The following DIS3L2 variants were observed in gnomAD, a reference collection of about 807,000 sequenced individuals.
The protein encoded by DIS3L2 is DIS3 like 3'-5' exoribonuclease 2.
In DIS3L2, 34 loss-of-function variants were observed where a neutral mutation model predicts 97.5. The ratio of observed to expected loss-of-function variants is 0.35; its 90% confidence interval spans 0.27 to 0.46. DIS3L2 has a LOEUF of 0.46. Among genes scored for constraint, DIS3L2 ranks in the 20% least tolerant of loss-of-function variants. DIS3L2 has a pLI of 1.00. For missense variants in DIS3L2, 1,038 were observed against 1,146.0 expected, an observed-to-expected ratio of 0.91 and a Z score of 1.36; for synonymous variants, 435 against 445.2, an observed-to-expected ratio of 0.98 and a Z score of 0.29.
chr2:232,121,546 AACTG>A (rs1295175825), intron 6 of DIS3L2, among the ~76,000 whole-genome samples: 2 of 152,168 alleles, frequency 1.3e-5, no homozygotes, highest in Non-Finnish European at 2.9e-5. Context: ...TTAAACTAAA[AACTG>A]ACTGAATTTA....
At position 232,336,901 on chromosome 2, in the gene DIS3L2, ACTGCCCTCCT is replaced by A. The variant is rs1191336332; in HGVS notation, c.*278_*287del. ...CTGGCCCCCCTTTTTTCTGGGCCCT[ACTGCCCTCCT>A]CTGCCCAGGAAATGGGGGGGTTTCA... is the stretch of plus-strand genomic sequence containing the variant. On this transcript the variant is annotated 3_prime_UTR_variant, in exon 21 of 21. Transcript: ENST00000325385. 5.5e-6 allele frequency: 7 copies of A among 1,283,750 alleles called. No individual in the cohort carries two copies. Among genetic ancestry groups the A allele is most frequent in the Non-Finnish European group, 6.9e-6 (7 of 1,011,626 alleles). 79.5% of individuals were successfully genotyped at this position (1,283,750 alleles called of 1,614,324 possible).
chr2:232,062,847 G>T (rs1390382538), intron 5 of DIS3L2, among the ~76,000 whole-genome samples: 1 of 151,562 alleles, frequency 6.6e-6, no homozygotes, highest in Non-Finnish European at 1.5e-5. Context: ...CTATCTATCT[G>T]TGTCTCTCTC....
chr2:232,222,356 A>G (rs946175487), intron 10 of DIS3L2, among the ~76,000 whole-genome samples: 2 of 152,198 alleles, frequency 1.3e-5, no homozygotes, highest in African/African-American at 2.4e-5. Flanking sequence ...GTCAAACCTT[A>G]TTTTTGTAGT....
chr2:232,183,490 G>A lies in DIS3L2; in HGVS notation c.1124+19858G>A, dbSNP rs184437786. On this transcript the variant is annotated intron_variant, in intron 9 of 20. Coordinates refer to ENST00000325385, the MANE Select transcript of DIS3L2 (RefSeq NM_152383.5). Reference sequence around the variant, plus strand: ...ATAGCCTTCACTTCCTGCTGTTGCAGAGCTTCAGGGTCAGCCAGAAGTAAG... The same window carrying A: ...ATAGCCTTCACTTCCTGCTGTTGCAAAGCTTCAGGGTCAGCCAGAAGTAAG... Among the ~76,000 whole-genome samples, 531 of 152,336 alleles carry A rather than the reference G, an allele frequency of 3.5e-3. 5 individuals carry two copies. Among genetic ancestry groups the A allele is most frequent in the African/African-American group, 0.012 (517 of 41,568 alleles).
intron 5 of DIS3L2, among the ~76,000 whole-genome samples, chr2:232,079,271 A>G (rs1696311989): frequency 6.6e-6 from 1 of 152,114 alleles, no homozygotes; most frequent in Non-Finnish European, 1.5e-5. Context: ...GGAGATATAT[A>G]CTTTCAGATA....
At position 232,325,355 on chromosome 2, in the gene DIS3L2, CTG is replaced by C. The variant is rs1410852737; in HGVS notation, c.1740-4455_1740-4454del. 6.6e-6 allele frequency among the ~76,000 whole-genome samples: 1 copy of C among 152,218 alleles called. No homozygotes were observed. The highest frequency in any genetic ancestry group is 6.5e-5 in the Admixed American group (1 of 15,292). ...TTTTCTTTAGAGGAACGTTTGTGCACTGTGGGAACCTCTGTCTCTACCAGTGT... is the reference window on the plus strand; with the variant it reads ...TTTTCTTTAGAGGAACGTTTGTGCACTGGGAACCTCTGTCTCTACCAGTGT... On this transcript the variant is annotated intron_variant, in intron 14 of 20. Transcript: ENST00000325385. The surrounding 1 kb of genome is among the most constrained non-coding windows in gnomAD (Gnocchi z 4.6).
downstream of DIS3L2, among the ~76,000 whole-genome samples, chr2:232,337,615 TG>T (rs1696005544): frequency 6.6e-6 from 1 of 151,874 alleles, no homozygotes. Context: ...TCCCCCTCCG[TG>T]GGGGAAGCTC....
At chr2:232,303,647 GT>G (rs1357761983) in intron 14 of DIS3L2, among the ~76,000 whole-genome samples, 1 of 152,162 alleles carries the variant, frequency 6.6e-6, no homozygotes, top group Non-Finnish European at 1.5e-5. Context: ...CTCCCAAATA[GT>G]CTTTCCTTTC....
chr2:232,264,175 A>C (rs1053608994), intron 13 of DIS3L2, among the ~76,000 whole-genome samples: 2 of 152,330 alleles, frequency 1.3e-5, no homozygotes, highest in African/African-American at 2.4e-5. Context: ...ATGAGAATCT[A>C]ATGCTGCCAC....
At chr2:232,330,049 A>G (rs1291130309) in intron 15 of DIS3L2, 53 bp downstream of exon 15, 2 of 1,553,330 alleles carry the variant, frequency 1.3e-6, no homozygotes, top group African/African-American at 1.4e-5. Flanking sequence ...AAGAAGAGAA[A>G]GACCTGGAAG....
At chr2:231,969,653 A>C (rs1692836360) in intron 1 of DIS3L2, among the ~76,000 whole-genome samples, 1 of 152,160 alleles carries the variant, frequency 6.6e-6, no homozygotes, top group Non-Finnish European at 1.5e-5. Flanking sequence ...TTCTATGTAA[A>C]GATTATGTCA....
chr2:231,975,646 A>G (rs1463055534), intron 1 of DIS3L2, among the ~76,000 whole-genome samples: 1 of 139,722 alleles, frequency 7.2e-6, no homozygotes, highest in Non-Finnish European at 1.5e-5. Flanking sequence ...CAGAGCTTGC[A>G]GTGAGCTGAG....
intron 5 of DIS3L2, among the ~76,000 whole-genome samples, chr2:232,039,070 C>T (rs550614623): frequency 1.2e-4 from 18 of 152,220 alleles, no homozygotes; most frequent in African/African-American, 3.4e-4. Flanking sequence ...GTGGAGCTCC[C>T]GAGAGTCTTC....
At chr2:232,077,965 C>CTTTCTTTCTTTCTTTCTTTCTTTA (rs1696253312) in intron 5 of DIS3L2, among the ~76,000 whole-genome samples, 1 of 102,482 alleles carries the variant, frequency 9.8e-6, no homozygotes, top group Non-Finnish European at 2.0e-5. Context: ...CTCTTTCTTT[C>CTTTCTTTCTTTCTTTCTTTCTTTA]TTTCTTTCTT....
chr2:232,335,666 C>G, intron 19 of DIS3L2, 107 bp from the exon 20 acceptor site: 1 of 1,297,106 alleles, frequency 7.7e-7, no homozygotes, highest in Admixed American at 2.1e-5. Context: ...AAGGGTGGGC[C>G]AGGGCCGAGG....
In DIS3L2 at chr2:232,293,329, G is replaced by A. The variant is rs555214380; in HGVS notation, c.1660-6711G>A. On this transcript the variant is annotated intron_variant, in intron 13 of 20. Transcript: ENST00000325385. This position sits in a 1 kb window ranked among gnomAD's most constrained non-coding sequence, Gnocchi z 4.6. ...GAAATTATTTTGAAGGAATGACATT[G>A]GACACCTGCTGTGACAGTGATAAGG... Among the ~76,000 whole-genome samples the A allele has an allele frequency of 3.3e-5, 5 of 152,284 alleles. No homozygotes were observed. In the South Asian group the frequency reaches 6.2e-4, roughly 19 times the overall value.
chr2:231,985,111 G>C (rs1392002723), intron 1 of DIS3L2, among the ~76,000 whole-genome samples: 1 of 152,114 alleles, frequency 6.6e-6, no homozygotes, highest in Non-Finnish European at 1.5e-5. Context: ...GATTTTACCA[G>C]TTTTGCTTTT....
rs147930277 is a variant in DIS3L2 at position 232,107,205 on chromosome 2, G to A, written c.601+19484G>A. Among the ~76,000 whole-genome samples the A allele has an allele frequency of 5.9e-5, 9 of 152,150 alleles. No individual in the cohort carries two copies. The East Asian group carries it at 1.5e-3, about 26-fold the overall frequency. On this transcript the variant is annotated intron_variant, in intron 6 of 20. Transcript: ENST00000325385. Reference sequence around the variant, plus strand: ...ATCACGACTAAAAGAACTACAGAACGAAGAGCAGACAAACCCCAAAGCTAG... The same window carrying A: ...ATCACGACTAAAAGAACTACAGAACAAAGAGCAGACAAACCCCAAAGCTAG...
At chr2:232,265,049 T>C (rs2106283150) in intron 13 of DIS3L2, among the ~76,000 whole-genome samples, 1 of 152,354 alleles carries the variant, frequency 6.6e-6, no homozygotes, top group Admixed American at 6.5e-5. Flanking sequence ...ATACCTACTT[T>C]CCTTCCTTTA....
Sources: allele counts gnomAD v4.1 joint callset (sites outside exome capture counted in the v4.1 genomes callset), GRCh38; gene constraint gnomAD v4.1.1; non-coding constraint Gnocchi (gnomAD v3.1); transcripts MANE v1.5; gene names NCBI Gene and HGNC (gene_info 2026-07-23, HGNC 2026-07-21).